Variants in PRMT3 observed in about 807,000 individuals in gnomAD.
The protein encoded by PRMT3 is protein arginine N-methyltransferase 3.
PRMT3 carries 62 observed loss-of-function variants against 71.9 expected under a neutral mutation model. That is an observed-to-expected ratio of 0.86 (90% CI 0.70 to 1.07). The LOEUF (loss-of-function observed/expected upper bound fraction) is 1.07. Ranked by LOEUF, PRMT3 falls within the 50% of genes least tolerant of loss-of-function variation. PRMT3 has a pLI of 0.00. For missense variants in PRMT3, 663 were observed against 643.0 expected (o/e 1.03, Z -0.34); for synonymous variants, 213 against 220.4 (o/e 0.97, Z 0.30).
intron 13 of PRMT3, among the ~76,000 whole-genome samples, chr11:20,483,894 T>C (rs971763386): frequency 1.3e-5 from 2 of 152,204 alleles, no homozygotes; most frequent in Admixed American, 1.3e-4. Context: ...GGGAAGTAAT[T>C]AATTGTACAG....
intron 9 of PRMT3, among the ~76,000 whole-genome samples, 188 bp downstream of exon 9, chr11:20,408,220 T>A (rs1380444829): frequency 3.3e-5 from 5 of 152,148 alleles, no homozygotes; most frequent in Non-Finnish European, 7.4e-5. Context: ...TGCTGAATAA[T>A]CTTTTCACAG....
intron 13 of PRMT3, among the ~76,000 whole-genome samples, chr11:20,473,128 ATTC>A (rs966203317): frequency 6.6e-6 from 1 of 151,364 alleles, no homozygotes; most frequent in African/African-American, 2.4e-5. Flanking sequence ...TGATTCTTCT[ATTC>A]TTTATTATCT....
At chr11:20,448,858 A>G (rs1298728169) in intron 10 of PRMT3, among the ~76,000 whole-genome samples, 1 of 152,182 alleles carries the variant, frequency 6.6e-6, no homozygotes, top group Non-Finnish European at 1.5e-5. Flanking sequence ...TGTTGGAAGA[A>G]GAATGCCCAT....
intron 10 of PRMT3, among the ~76,000 whole-genome samples, chr11:20,442,517 C>A (rs909410838): frequency 2.0e-5 from 3 of 151,278 alleles, no homozygotes; most frequent in African/African-American, 7.3e-5. Flanking sequence ...ATATATTCAC[C>A]CTTATGCAAA....
At chr11:20,404,235 T>TTGTTTTGTTTTGTG (rs1565196874) in intron 8 of PRMT3, among the ~76,000 whole-genome samples, 13 of 114,962 alleles carry the variant, frequency 1.1e-4, no homozygotes, top group South Asian at 3.1e-4. Flanking sequence ...TTTTTTTTTT[T>TTGTTTTGTTTTGTG]TTTTTTTTTT....
At chr11:20,433,608 A>G (rs1026234504) in intron 10 of PRMT3, among the ~76,000 whole-genome samples, 2 of 151,746 alleles carry the variant, frequency 1.3e-5, no homozygotes, top group Non-Finnish European at 2.9e-5. Flanking sequence ...GTCACAAGGT[A>G]GTTCTGTTTT....
In PRMT3 at chr11:20,407,905, C is replaced by A. The variant is rs746776660; in HGVS notation, c.772-6C>A. The stretch of plus-strand genomic sequence containing the variant: ...TTTTGTTTTGGTTTTTTCTTAATTA[C>A]CCTAGGTAGTTTTGGATGTTGGGTG... On this transcript the variant is annotated splice_region_variant and splice_polypyrimidine_tract_variant and intron_variant, in intron 8 of 15. Transcript: ENST00000331079. 1 of 1,604,836 alleles carries A rather than the reference C, an allele frequency of 6.2e-7. No homozygotes were observed. The highest frequency in any genetic ancestry group is 8.5e-7 in the Non-Finnish European group (1 of 1,174,706).
intron 13 of PRMT3, among the ~76,000 whole-genome samples, chr11:20,488,919 A>G (rs1047076632): frequency 2.0e-5 from 3 of 152,174 alleles, no homozygotes; most frequent in Non-Finnish European, 2.9e-5. Flanking sequence ...TACAAATGCC[A>G]TGAGTTTTCT....
intron 3 of PRMT3, 118 bp from the exon 4 acceptor site, chr11:20,392,087 ATATAAG>A (rs1848727275): frequency 1.1e-6 from 1 of 873,492 alleles, no homozygotes; most frequent in Admixed American, 3.2e-5. Flanking sequence ...AAAATTCAAA[ATATAAG>A]TAGTAATTTA....
intron 10 of PRMT3, among the ~76,000 whole-genome samples, chr11:20,440,004 A>G (rs1443401687): frequency 2.0e-5 from 3 of 152,216 alleles, no homozygotes; most frequent in African/African-American, 4.8e-5. Context: ...GTAGTGAGGA[A>G]AGGATGATGC....
At position 20,420,848 on chromosome 11, in the gene PRMT3, A is replaced by G. The variant is rs146533335; in HGVS notation, c.894-5918A>G. Among the ~76,000 whole-genome samples, 325 of 152,342 alleles carry G rather than the reference A, an allele frequency of 2.1e-3. 3 individuals are homozygous for G. Among genetic ancestry groups the G allele is most frequent in the South Asian group, 7.9e-3 (38 of 4,828 alleles). On this transcript the variant is annotated intron_variant, in intron 9 of 15. Coordinates refer to ENST00000331079, the MANE Select transcript of PRMT3 (RefSeq NM_005788.4). ...CATCACCTCTTCTATCCAACACCAT[A>G]AAGGAGATCCTAGCCAATGCACTAA...
chr11:20,397,499 T>C, intron 6 of PRMT3, 78 bp from the exon 7 acceptor site: 1 of 1,464,536 alleles, frequency 6.8e-7, no homozygotes, highest in African/African-American at 1.4e-5. Context: ...TCCCCTTTCC[T>C]CTTCCTCAAC....
At chr11:20,398,311 T>C (rs1362557798) in intron 7 of PRMT3, among the ~76,000 whole-genome samples, 1 of 152,234 alleles carries the variant, frequency 6.6e-6, no homozygotes, top group Admixed American at 6.5e-5. Context: ...ATTTTTATGG[T>C]GTAAGTTTTT....
chr11:20,467,188 G>A lies in PRMT3; in HGVS notation c.1347+2642G>A, dbSNP rs555044302. On this transcript the variant is annotated intron_variant, in intron 13 of 15. Transcript: ENST00000331079. ...ATAAAATATTTTAGTAGTTAGCATT[G>A]AATGTTAACTCTTCTGACATTATCC... Among the ~76,000 whole-genome samples, 32 of 152,252 alleles carry A rather than the reference G, an allele frequency of 2.1e-4. No homozygotes were observed. The South Asian group carries it at 5.6e-3, about 27-fold the overall frequency.
At chr11:20,487,670 A>G (rs1465567336) in intron 13 of PRMT3, among the ~76,000 whole-genome samples, 2 of 152,216 alleles carry the variant, frequency 1.3e-5, no homozygotes, top group Non-Finnish European at 2.9e-5. Context: ...TGTACATTAT[A>G]AAGCAGTTTC....
intron 11 of PRMT3, among the ~76,000 whole-genome samples, chr11:20,461,624 T>G (rs1397587866): frequency 6.6e-6 from 1 of 152,190 alleles, no homozygotes; most frequent in East Asian, 1.9e-4. Flanking sequence ...TTCTGCATGT[T>G]TTTAGAGGAA....
At chr11:20,456,795 T>C (rs1850276573) in intron 11 of PRMT3, among the ~76,000 whole-genome samples, 1 of 152,202 alleles carries the variant, frequency 6.6e-6, no homozygotes, top group Admixed American at 6.6e-5. Context: ...TTGGATAAAT[T>C]TGGAATTGGA....
At chr11:20,488,341 G>T (rs926053185) in intron 13 of PRMT3, among the ~76,000 whole-genome samples, 4 of 152,080 alleles carry the variant, frequency 2.6e-5, no homozygotes, top group African/African-American at 7.2e-5. Context: ...GATGATCTAA[G>T]CTATAACAGT....
At chr11:20,450,510 C>A (rs1385982349) in intron 10 of PRMT3, among the ~76,000 whole-genome samples, 3 of 152,126 alleles carry the variant, frequency 2.0e-5, no homozygotes, top group Non-Finnish European at 1.5e-5. Context: ...AAGAATTTTA[C>A]ATATTACTGA....
Sources: gnomAD v4.1 joint callset for allele counts (sites outside exome capture counted in the v4.1 genomes callset) on GRCh38, gnomAD v4.1.1 for gene constraint, MANE v1.5 for transcripts, NCBI Gene and HGNC (gene_info 2026-07-23, HGNC 2026-07-21) for gene names.